The following PTPRN2 variants were observed in gnomAD, a reference collection of about 807,000 sequenced individuals.
PTPRN2 encodes the protein receptor-type tyrosine-protein phosphatase N2.
A neutral mutation model predicts 118.8 loss-of-function variants in PTPRN2; 74 were observed. The ratio of observed to expected loss-of-function variants is 0.62; its 90% CI spans 0.52 to 0.76. The LOEUF (loss-of-function observed/expected upper bound fraction) is 0.76, where lower values mean the gene tolerates loss of function less well. PTPRN2 is among the 30% of genes least tolerant of loss of function. The pLI is 0.00. For missense variants in PTPRN2, 1,481 were observed against 1,394.4 expected, an observed-to-expected ratio of 1.06 and a Z score of -0.99; for synonymous variants, 641 against 608.0, an observed-to-expected ratio of 1.05 and a Z score of -0.80.
chr7:157,650,352 T>A (rs959469056), intron 14 of PTPRN2, among the ~76,000 whole-genome samples: 1 of 152,216 alleles, frequency 6.6e-6, no homozygotes, highest in Non-Finnish European at 1.5e-5. Flanking sequence ...AGGCCTTGCC[T>A]ATGCCACGCA....
intron 11 of PTPRN2, among the ~76,000 whole-genome samples, chr7:157,938,859 G>A (rs1799880058): frequency 6.6e-6 from 1 of 152,198 alleles, no homozygotes; most frequent in South Asian, 2.1e-4. Flanking sequence ...TACCGGAGTG[G>A]CCCACAGAAA....
rs929993173 is a variant in PTPRN2 at position 157,603,826 on chromosome 7, G to A, written c.2418+176C>T. 6.6e-6 allele frequency among the ~76,000 whole-genome samples: 1 copy of A among 152,174 alleles called. No homozygotes were observed. Among genetic ancestry groups the A allele is most frequent in the African/African-American group, 2.4e-5 (1 of 41,440 alleles). On this transcript the variant is annotated intron_variant, in intron 16 of 22. Coordinates refer to ENST00000389418, the MANE Select transcript of PTPRN2 (RefSeq NM_002847.5). The surrounding 1 kb of genome is among the most constrained non-coding windows in gnomAD (Gnocchi z 5.4). ...ACCCACACGGCTCATAAACAGCCCC[G>A]CTGGTGAAGGAACAGGGGAGTGGCG... is the stretch of plus-strand genomic sequence containing the variant.
intron 12 of PTPRN2, among the ~76,000 whole-genome samples, chr7:157,689,865 G>C (rs1395059186): frequency 7.1e-6 from 1 of 140,564 alleles, no homozygotes; most frequent in Non-Finnish European, 1.7e-5. Context: ...CCGCCCGCTG[G>C]GATACTCCCA....
At chr7:157,655,544 T>A (rs576557084) in intron 14 of PTPRN2, among the ~76,000 whole-genome samples, 1 of 152,236 alleles carries the variant, frequency 6.6e-6, no homozygotes, top group Non-Finnish European at 1.5e-5. Context: ...GGGAACTTAA[T>A]GGTACGGCGA....
chr7:158,236,519 G>A (rs1021399074), intron 3 of PTPRN2, among the ~76,000 whole-genome samples: 1 of 152,176 alleles, frequency 6.6e-6, no homozygotes, highest in African/African-American at 2.4e-5. Flanking sequence ...CGTCTGTGGG[G>A]TGGGGGCACA....
chr7:158,050,133 T>C (rs1809218128), intron 11 of PTPRN2, among the ~76,000 whole-genome samples: 1 of 152,206 alleles, frequency 6.6e-6, no homozygotes. Context: ...TACATCAAAG[T>C]CAGAATGCTT....
intron 2 of PTPRN2, among the ~76,000 whole-genome samples, chr7:158,341,473 C>A (rs1806768779): frequency 1.4e-5 from 2 of 146,214 alleles, no homozygotes; most frequent in Non-Finnish European, 3.0e-5. Flanking sequence ...TCATTCACAC[C>A]CACACTCTCA....
intron 10 of PTPRN2, among the ~76,000 whole-genome samples, chr7:158,107,544 A>T (rs140773190): frequency 1.1e-3 from 168 of 152,234 alleles, no homozygotes; most frequent in African/African-American, 3.7e-3. Context: ...CCACAGGGAA[A>T]ACACTTGACT....
At chr7:157,833,333 G>A (rs1291072440) in intron 12 of PTPRN2, among the ~76,000 whole-genome samples, 2 of 149,038 alleles carry the variant, frequency 1.3e-5, no homozygotes, top group South Asian at 2.1e-4. Flanking sequence ...GTCCAGGAGC[G>A]AGATGTGGCT....
chr7:158,074,189 A>C (rs2128924437), intron 11 of PTPRN2, among the ~76,000 whole-genome samples: 1 of 152,316 alleles, frequency 6.6e-6, no homozygotes, highest in African/African-American at 2.4e-5. Context: ...CCCCTCCTGC[A>C]CATCCAGGGT....
At chr7:158,410,679 C>T (rs932359890) in intron 2 of PTPRN2, among the ~76,000 whole-genome samples, 30 of 152,238 alleles carry the variant, frequency 2.0e-4, no homozygotes, top group African/African-American at 5.5e-4. Flanking sequence ...CGGAATGTAA[C>T]TACGTGGAAA....
chr7:158,554,834 A>G (rs865799694), intron 1 of PTPRN2, among the ~76,000 whole-genome samples: 5 of 152,118 alleles, frequency 3.3e-5, no homozygotes, highest in Non-Finnish European at 7.4e-5. Context: ...AATGCCGCAC[A>G]TAGCCATCTC....
chr7:158,070,969 C>CCGTGGT (rs1811351932), intron 11 of PTPRN2, among the ~76,000 whole-genome samples: 1 of 16,628 alleles, frequency 6.0e-5, no homozygotes, highest in African/African-American at 3.8e-4. Context: ...GAGGTGCTCA[C>CCGTGGT]GGTGGAGGTG....
intron 2 of PTPRN2, among the ~76,000 whole-genome samples, chr7:158,418,809 C>G (rs1251124065): frequency 6.6e-6 from 1 of 150,546 alleles, no homozygotes; most frequent in African/African-American, 2.4e-5. Context: ...TCGAGATGCT[C>G]CAGCTCTCAG....
At chr7:157,725,553 C>A (rs934133570) in intron 12 of PTPRN2, among the ~76,000 whole-genome samples, 5 of 128,392 alleles carry the variant, frequency 3.9e-5, no homozygotes. Flanking sequence ...AACTGGATAT[C>A]CACACGCAGA....
At chr7:157,743,378 C>T (rs1012136164) in intron 12 of PTPRN2, among the ~76,000 whole-genome samples, 1 of 152,206 alleles carries the variant, frequency 6.6e-6, no homozygotes, top group Non-Finnish European at 1.5e-5. Flanking sequence ...ACGGTGGGAC[C>T]AGCCTGCAAT....
chr7:158,133,746 C>G lies in PTPRN2; in HGVS notation c.1487G>C (p.Ser496Thr). The G allele has an allele frequency of 6.2e-7, 1 of 1,613,184 alleles. No homozygotes were observed. Among genetic ancestry groups the G allele is most frequent in the South Asian group, 1.1e-5 (1 of 91,072 alleles). ...CTGGACCTCCAATTGCAGGCCGTCG[C>G]TGAGGGCCTCCTGAGCACCCGCTGG... ...SLPAGAQEALSDGLQLEVQPS... is the reference protein window; with the variant it reads ...SLPAGAQEALTDGLQLEVQPS... The change falls in exon 9 of 23, where the codon AGC (serine) becomes ACC (threonine). Residue 496 changes from serine to threonine, a missense_variant. Ser to Thr is a moderately conservative substitution (Grantham distance 58). Transcript: ENST00000389418.
intron 11 of PTPRN2, among the ~76,000 whole-genome samples, chr7:157,918,135 CG>C (rs1798513928): frequency 6.6e-6 from 1 of 152,166 alleles, no homozygotes; most frequent in Non-Finnish European, 1.5e-5. Context: ...GACATTAGCA[CG>C]GATGCTGGTA....
At chr7:157,931,504 T>C in intron 11 of PTPRN2, among the ~76,000 whole-genome samples, 1 of 152,184 alleles carries the variant, frequency 6.6e-6, no homozygotes, top group East Asian at 1.9e-4. Flanking sequence ...GTGACTGAAA[T>C]GTGAGCTCAA....
Sources: allele counts gnomAD v4.1 joint callset (sites outside exome capture counted in the v4.1 genomes callset), GRCh38; gene constraint gnomAD v4.1.1; non-coding constraint Gnocchi (gnomAD v3.1); transcripts MANE v1.5; gene names NCBI Gene and HGNC (gene_info 2026-07-23, HGNC 2026-07-21).